Variants in PRKG1 observed in about 807,000 individuals in gnomAD.
PRKG1 encodes the protein cGMP-dependent protein kinase 1.
In PRKG1, 35 loss-of-function variants were observed where a neutral mutation model predicts 88.1. The observed-to-expected ratio is 0.40, with a 90% CI of 0.30 to 0.53. The LOEUF (loss-of-function observed/expected upper bound fraction) is 0.53, where lower values mean the gene tolerates loss of function less well. Among genes scored for constraint, PRKG1 ranks in the 20% least tolerant of loss-of-function variants. The probability of loss-of-function intolerance (pLI) is 0.59; values close to 1 mark genes in which losing one functional copy is unlikely to be tolerated. For missense variants in PRKG1, 540 were observed against 839.8 expected (o/e 0.64, Z 4.41); for synonymous variants, 303 against 292.5 (o/e 1.04, Z -0.37).
chr10:51,128,809 A>G (rs1845494730), intron 1 of PRKG1, among the ~76,000 whole-genome samples: 1 of 152,250 alleles, frequency 6.6e-6, no homozygotes, highest in African/African-American at 2.4e-5. Context: ...GATGCTTAAG[A>G]GAGTAAAAAT....
chr10:52,213,744 G>C (rs1027881323), intron 9 of PRKG1, among the ~76,000 whole-genome samples: 3 of 152,148 alleles, frequency 2.0e-5, no homozygotes, highest in African/African-American at 7.2e-5. Context: ...TGGCTACTGT[G>C]AAAGAACACA....
chr10:51,224,147 T>C (rs1838625047), intron 2 of PRKG1, among the ~76,000 whole-genome samples: 1 of 152,212 alleles, frequency 6.6e-6, no homozygotes, highest in South Asian at 2.1e-4. Context: ...AAGCCTGCCA[T>C]TGCCTTCATC....
chr10:51,930,492 C>T (rs7082896), intron 5 of PRKG1, among the ~76,000 whole-genome samples: 2,418 of 99,736 alleles, frequency 0.024, 67 homozygotes, highest in African/African-American at 0.18. Flanking sequence ...CTTTTTTTTT[C>T]CTCTTTTTTT....
chr10:52,080,488 C>T (rs547524530), intron 7 of PRKG1, among the ~76,000 whole-genome samples: 1 of 151,956 alleles, frequency 6.6e-6, no homozygotes, highest in Non-Finnish European at 1.5e-5. Context: ...ATTTTTTTCT[C>T]CTATTTTTCT....
rs190681631 is a variant in PRKG1 at position 52,205,081 on chromosome 10, G to T, written c.1076+43118G>T. Among the ~76,000 whole-genome samples, 86 of 152,244 alleles carry T rather than the reference G, an allele frequency of 5.6e-4. 1 individual carries two copies. Among genetic ancestry groups the T allele is most frequent in the African/African-American group, 1.9e-3 (78 of 41,548 alleles). On this transcript the variant is annotated intron_variant, in intron 9 of 17. Coordinates refer to ENST00000373980, the MANE Select transcript of PRKG1 (RefSeq NM_006258.4). ...GGGATGAAACACGCCCTAATCTCCT[G>T]CAGCGCCCCCAGGTTTGCTAGGATT...
chr10:51,045,653 T>A (rs1211951587), intron 1 of PRKG1, among the ~76,000 whole-genome samples: 1 of 152,226 alleles, frequency 6.6e-6, no homozygotes, highest in Non-Finnish European at 1.5e-5. Context: ...CCTGTCCTTG[T>A]CCATATGCAC....
intron 1 of PRKG1, among the ~76,000 whole-genome samples, chr10:51,057,309 T>C (rs946285643): frequency 6.6e-6 from 1 of 152,252 alleles, no homozygotes; most frequent in Non-Finnish European, 1.5e-5. Flanking sequence ...TGTTTGATGA[T>C]GGATTGGGCA....
intron 2 of PRKG1, among the ~76,000 whole-genome samples, chr10:51,189,132 G>A (rs553451959): frequency 3.3e-5 from 5 of 151,862 alleles, no homozygotes; most frequent in African/African-American, 9.6e-5. Flanking sequence ...TCTTCTTTGA[G>A]GAGCATGCCG....
intron 5 of PRKG1, among the ~76,000 whole-genome samples, chr10:52,049,000 A>G (rs1396922455): frequency 6.6e-6 from 1 of 152,174 alleles, no homozygotes; most frequent in East Asian, 1.9e-4. Flanking sequence ...AGTCACAGAT[A>G]GCAAGCAAAA....
chr10:51,096,683 A>G (rs1315829614), intron 1 of PRKG1, among the ~76,000 whole-genome samples: 2 of 152,132 alleles, frequency 1.3e-5, no homozygotes, highest in African/African-American at 4.8e-5. Context: ...CTCCATCTAT[A>G]AAACAGAGAT....
intron 9 of PRKG1, among the ~76,000 whole-genome samples, chr10:52,167,420 G>T (rs947484066): frequency 6.6e-6 from 1 of 152,070 alleles, no homozygotes; most frequent in African/African-American, 2.4e-5. Flanking sequence ...TTTAACATGA[G>T]ATTTAGACAG....
intron 3 of PRKG1, among the ~76,000 whole-genome samples, chr10:51,733,777 T>A (rs1461675622): frequency 3.9e-5 from 6 of 152,190 alleles, no homozygotes; most frequent in African/African-American, 1.4e-4. Context: ...TGCTAGCACT[T>A]TTGATCCTGC....
At chr10:52,213,455 C>A (rs1024702041) in intron 9 of PRKG1, among the ~76,000 whole-genome samples, 8 of 152,180 alleles carry the variant, frequency 5.3e-5, no homozygotes, top group Admixed American at 1.3e-4. Context: ...AGGAAAAAGT[C>A]TTGGTGACCA....
intron 2 of PRKG1, among the ~76,000 whole-genome samples, chr10:51,258,549 T>C (rs1234128489): frequency 6.6e-6 from 1 of 152,230 alleles, no homozygotes. Context: ...TGCTCTATTG[T>C]CACTCTGCCT....
chr10:51,509,660 C>G (rs1461677385), intron 3 of PRKG1, among the ~76,000 whole-genome samples: 1 of 152,116 alleles, frequency 6.6e-6, no homozygotes, highest in Non-Finnish European at 1.5e-5. Context: ...CAGGCAGGAG[C>G]CTAGCCAGCA....
intron 2 of PRKG1, among the ~76,000 whole-genome samples, chr10:51,225,097 CT>C (rs1200211920): frequency 6.6e-6 from 1 of 152,172 alleles, no homozygotes; most frequent in Non-Finnish European, 1.5e-5. Flanking sequence ...AACTGTGTAG[CT>C]TATAAACAAC....
chr10:51,710,651 A>T (rs565317067), intron 3 of PRKG1, among the ~76,000 whole-genome samples: 1 of 152,352 alleles, frequency 6.6e-6, no homozygotes, highest in Non-Finnish European at 1.5e-5. Context: ...AACAAATTTA[A>T]GTACCACATA....
chr10:51,735,611 T>C (rs952499863), intron 3 of PRKG1, among the ~76,000 whole-genome samples: 2 of 152,078 alleles, frequency 1.3e-5, no homozygotes, highest in African/African-American at 2.4e-5. Flanking sequence ...CCAAATCCAC[T>C]CAAGTCCCTG....
intron 4 of PRKG1, among the ~76,000 whole-genome samples, chr10:51,867,627 G>C (rs916875187): frequency 6.6e-6 from 1 of 152,140 alleles, no homozygotes; most frequent in Non-Finnish European, 1.5e-5. Flanking sequence ...GCCCAGCTTG[G>C]GTAACTGTCG....
Sources: gnomAD v4.1 joint callset for allele counts (sites outside exome capture counted in the v4.1 genomes callset) on GRCh38, gnomAD v4.1.1 for gene constraint, MANE v1.5 for transcripts, NCBI Gene and HGNC (gene_info 2026-07-23, HGNC 2026-07-21) for gene names.